The following KCNMA1 variants were observed in gnomAD, a reference collection of about 807,000 sequenced individuals.
The protein encoded by KCNMA1 is Calcium-activated potassium channel subunit alpha-1.
In KCNMA1, 29 loss-of-function variants were observed where a neutral mutation model predicts 140.0. The observed-to-expected ratio is 0.21, with a 90% CI of 0.15 to 0.28. KCNMA1 has a LOEUF of 0.28. KCNMA1 is among the 10% of genes least tolerant of loss of function. The probability of loss-of-function intolerance (pLI) is 1.00; values close to 1 mark genes in which losing one functional copy is unlikely to be tolerated. For synonymous variants in KCNMA1, 612 were observed against 611.9 expected, an observed-to-expected ratio of 1.00 and a Z score of 0.00; for missense variants, 880 against 1,602.2, an observed-to-expected ratio of 0.55 and a Z score of 7.70.
chr10:77,008,227 G>A (rs929684828), intron 18 of KCNMA1: 64 of 1,525,038 alleles, frequency 4.2e-5, no homozygotes, highest in Non-Finnish European at 5.3e-5. Context: ...AGTAGGGGCC[G>A]TATTCCAAGG....
chr10:77,187,493 A>T (rs2098881517), intron 3 of KCNMA1, among the ~76,000 whole-genome samples: 1 of 152,210 alleles, frequency 6.6e-6, no homozygotes, highest in Non-Finnish European at 1.5e-5. Context: ...CCTTTCAAAA[A>T]ATTTAGAACC....
At chr10:77,032,873 C>T (rs2094039203) in intron 15 of KCNMA1, among the ~76,000 whole-genome samples, 1 of 152,150 alleles carries the variant, frequency 6.6e-6, no homozygotes, top group African/African-American at 2.4e-5. Context: ...GCCATTAAAT[C>T]AGCCCCCTTT....
chr10:77,012,681 G>A, intron 17 of KCNMA1: 1 of 758,222 alleles, frequency 1.3e-6, no homozygotes, highest in East Asian at 2.7e-5. Context: ...CCAGCCCTGA[G>A]AACATGCACT....
intron 1 of KCNMA1, among the ~76,000 whole-genome samples, chr10:77,571,099 A>C (rs7087813): frequency 0.015 from 2,228 of 152,208 alleles, 61 homozygotes; most frequent in African/African-American, 0.051. Context: ...ATCTCCACGG[A>C]TTTTAAAAAT....
At chr10:77,203,289 G>A (rs780692852) in intron 3 of KCNMA1, among the ~76,000 whole-genome samples, 8 of 152,110 alleles carry the variant, frequency 5.3e-5, no homozygotes, top group Non-Finnish European at 1.2e-4. Flanking sequence ...AGAAATATTT[G>A]ACATCTGTAA....
chr10:77,483,642 C>T (rs75123294), intron 1 of KCNMA1, among the ~76,000 whole-genome samples: 1 of 152,328 alleles, frequency 6.6e-6, no homozygotes, highest in African/African-American at 2.4e-5. Flanking sequence ...GGCCTCTCTG[C>T]TGATGGGTGT....
rs749407944 is a variant in KCNMA1 at position 77,084,731 on chromosome 10, A to C, written c.1441-12T>G. On this transcript the variant is annotated splice_polypyrimidine_tract_variant and intron_variant, in intron 11 of 27. Transcript: ENST00000286628. ...TCTGCTGACTCTATCTAAGACACCG[A>C]AAGGAAAATTCACAGAACACAAACA... The C allele has an allele frequency of 3.6e-5, 58 of 1,600,706 alleles. No homozygotes were observed. The highest frequency in any genetic ancestry group is 4.9e-5 in the Non-Finnish European group (57 of 1,167,970).
chr10:77,233,698 T>C (rs2154211028), intron 3 of KCNMA1, among the ~76,000 whole-genome samples: 1 of 152,336 alleles, frequency 6.6e-6, no homozygotes, highest in African/African-American at 2.4e-5. Context: ...CTTGCAAGCC[T>C]GCTGTGATTC....
chr10:77,439,154 G>C lies in KCNMA1; in HGVS notation c.379-35131C>G, dbSNP rs528213381. Among the ~76,000 whole-genome samples the C allele has an allele frequency of 3.2e-5, 4 of 126,158 alleles. No individual in the cohort carries two copies. The East Asian group carries it at 6.8e-4, about 21-fold the overall frequency. The allele number at this position is 126,158 out of a possible 152,430, so 82.8% of individuals were successfully genotyped here. On this transcript the variant is annotated intron_variant, in intron 1 of 27. Transcript: ENST00000286628. ...AGAGAAGAGAAGAGAAGAGAAAAGA[G>C]AAGAGAAGAAAAGAAAAGAGAAGAG...
At chr10:77,479,611 G>T (rs747120498) in intron 1 of KCNMA1, among the ~76,000 whole-genome samples, 1 of 152,124 alleles carries the variant, frequency 6.6e-6, no homozygotes, top group Non-Finnish European at 1.5e-5. Context: ...TCTGAGGCAG[G>T]TCTTACTGTG....
intron 14 of KCNMA1, among the ~76,000 whole-genome samples, chr10:77,070,952 C>T (rs1220101368): frequency 5.3e-5 from 8 of 152,188 alleles, no homozygotes. Context: ...AAGACCATCT[C>T]AGTGTCAAAA....
At chr10:77,542,303 TAAAG>T (rs1428523756) in intron 1 of KCNMA1, among the ~76,000 whole-genome samples, 2 of 152,242 alleles carry the variant, frequency 1.3e-5, no homozygotes, top group African/African-American at 4.8e-5. Flanking sequence ...AGAATTGGCA[TAAAG>T]AGAGACATAA....
At chr10:77,336,986 G>A (rs1441892862) in intron 2 of KCNMA1, among the ~76,000 whole-genome samples, 2 of 152,352 alleles carry the variant, frequency 1.3e-5, no homozygotes, top group Middle Eastern at 3.4e-3. Context: ...CTTTCTGGAA[G>A]CTTCCCACAT....
intron 1 of KCNMA1, among the ~76,000 whole-genome samples, chr10:77,630,763 C>G (rs1430535614): frequency 6.6e-6 from 1 of 151,924 alleles, no homozygotes; most frequent in African/African-American, 2.4e-5. Context: ...ACTGGATCTT[C>G]TGAATCACAG....
At chr10:77,465,895 A>G (rs1186420222) in intron 1 of KCNMA1, among the ~76,000 whole-genome samples, 1 of 152,188 alleles carries the variant, frequency 6.6e-6, no homozygotes, top group Non-Finnish European at 1.5e-5. Flanking sequence ...TGGGCAGTCC[A>G]CAACCTGCCT....
At chr10:77,378,239 G>A (rs2095247524) in intron 2 of KCNMA1, among the ~76,000 whole-genome samples, 1 of 152,222 alleles carries the variant, frequency 6.6e-6, no homozygotes, top group Admixed American at 6.5e-5. Flanking sequence ...GTTTCATGGG[G>A]ACCCAGGTGA....
intron 22 of KCNMA1, chr10:76,948,926 G>A: frequency 3.3e-6 from 2 of 611,850 alleles, no homozygotes; most frequent in East Asian, 2.8e-5. Flanking sequence ...CTTCATCCCT[G>A]ATGAGGGACT....
At chr10:77,200,517 T>C (rs553098434) in intron 3 of KCNMA1, among the ~76,000 whole-genome samples, 1 of 152,268 alleles carries the variant, frequency 6.6e-6, no homozygotes, top group Admixed American at 6.5e-5. Context: ...AAGAGGGGAT[T>C]AGGTCCACAG....
At chr10:76,946,034 A>C (rs1242036849) in intron 22 of KCNMA1, among the ~76,000 whole-genome samples, 4 of 152,244 alleles carry the variant, frequency 2.6e-5, no homozygotes, top group Non-Finnish European at 5.9e-5. Flanking sequence ...CATTTAAAAA[A>C]TAAATAAGCC....
Sources: gnomAD v4.1 joint callset for allele counts (sites outside exome capture counted in the v4.1 genomes callset) on GRCh38, gnomAD v4.1.1 for gene constraint, MANE v1.5 for transcripts, NCBI Gene and HGNC (gene_info 2026-07-23, HGNC 2026-07-21) for gene names.